Variants in PRKCB observed in about 807,000 individuals in gnomAD.
PRKCB encodes protein kinase C beta type.
In PRKCB, 13 loss-of-function variants were observed where a neutral mutation model predicts 81.5. The ratio of observed to expected loss-of-function variants is 0.16; its 90% confidence interval spans 0.10 to 0.25. The LOEUF (loss-of-function observed/expected upper bound fraction) is 0.25, where lower values mean the gene tolerates loss of function less well. Ranked by LOEUF, PRKCB falls within the 10% of genes least tolerant of loss-of-function variation. PRKCB has a pLI of 1.00. For missense variants in PRKCB, 509 were observed against 875.7 expected (o/e 0.58, Z 5.29); for synonymous variants, 335 against 321.4 (o/e 1.04, Z -0.45).
intron 7 of PRKCB, among the ~76,000 whole-genome samples, chr16:24,110,619 C>T (rs1400184002): frequency 6.7e-6 from 1 of 149,648 alleles, no homozygotes; most frequent in Non-Finnish European, 1.5e-5. Flanking sequence ...TGGACTCAAG[C>T]GATTCTCCTA....
Position 23,856,155 on chromosome 16 carries a change from A to G in PRKCB, c.205+18749A>G, listed in dbSNP as rs976814069. On this transcript the variant is annotated intron_variant, in intron 2 of 16. Transcript: ENST00000643927. ...AATCTGACTAGGCCTAGGGAATGAC[A>G]TGGGAATAGCTTGTCCTGGGTCATC... 3.9e-5 allele frequency among the ~76,000 whole-genome samples: 6 copies of G among 152,224 alleles called. No homozygotes were observed. The South Asian group carries it at 1.0e-3, about 26-fold the overall frequency.
Position 24,185,207 on chromosome 16 carries a change from G to A in PRKCB, c.1614+16G>A, listed in dbSNP as rs1230671027. 14 of 1,608,914 alleles carry A rather than the reference G, an allele frequency of 8.7e-6. No homozygotes were observed. Among genetic ancestry groups the A allele is most frequent in the Non-Finnish European group, 9.4e-6 (11 of 1,176,150 alleles). On this transcript the variant is annotated intron_variant, in intron 14 of 16. Transcript: ENST00000643927. ...GGCTGGGCAGGTAATTGAATTTTAA[G>A]TGATCGATAAGAGAAGTCCTCCCTA...
At chr16:24,113,397 CTCTT>C (rs1484516448) in intron 8 of PRKCB, among the ~76,000 whole-genome samples, 1 of 148,862 alleles carries the variant, frequency 6.7e-6, no homozygotes, top group Non-Finnish European at 1.5e-5. Flanking sequence ...TCCTTCCTCT[CTCTT>C]TCTCTTTCCC....
chr16:23,991,261 T>C (rs1247036196), intron 3 of PRKCB, among the ~76,000 whole-genome samples: 1 of 152,098 alleles, frequency 6.6e-6, no homozygotes, highest in African/African-American at 2.4e-5. Context: ...GCTTGGAAAA[T>C]GTGGTAATTG....
intron 5 of PRKCB, among the ~76,000 whole-genome samples, chr16:24,043,408 C>T (rs2141863864): frequency 6.6e-6 from 1 of 152,116 alleles, no homozygotes; most frequent in South Asian, 2.1e-4. Flanking sequence ...AATACACCTG[C>T]TTTATTTTGC....
At chr16:23,977,755 A>G (rs887600848) in intron 2 of PRKCB, among the ~76,000 whole-genome samples, 6 of 152,156 alleles carry the variant, frequency 3.9e-5, no homozygotes, top group African/African-American at 1.4e-4. Flanking sequence ...CTGTGTACTG[A>G]AAGCTGGCCA....
At position 24,016,308 on chromosome 16, in the gene PRKCB, T is replaced by C. The variant is rs553156640; in HGVS notation, c.289-15828T>C. Reference sequence around the variant, plus strand: ...CACCCAGCGGCCTGGGTGGTCATGGTGAAAGCTAGAAATACATCTCTGGAA... The same window carrying C: ...CACCCAGCGGCCTGGGTGGTCATGGCGAAAGCTAGAAATACATCTCTGGAA... On this transcript the variant is annotated intron_variant, in intron 3 of 16. Coordinates refer to ENST00000643927, the MANE Select transcript of PRKCB (RefSeq NM_002738.7). Among the ~76,000 whole-genome samples, 3 of 152,192 alleles carry C rather than the reference T, an allele frequency of 2.0e-5. No individual in the cohort carries two copies. In the South Asian group the frequency reaches 6.2e-4, roughly 32 times the overall value.
In PRKCB at chr16:24,123,908, A is replaced by G. The variant is rs1966831338; in HGVS notation, c.992A>G (p.Asn331Ser). The change falls in exon 9 of 17, where the codon AAT (asparagine) becomes AGT (serine). Residue 331 changes from asparagine to serine, a missense_variant. This residue lies in a region of PRKCB where 80 missense variants were observed against 89.4 expected (regional missense o/e 0.90). Coordinates refer to ENST00000643927, the MANE Select transcript of PRKCB (RefSeq NM_002738.7). ...TTNTVSKFDN[N>S]GNRDRMKLTD... ...AACACTGTCTCCAAATTTGACAACAATGGCAACAGAGACCGGATGAAACTG... is the reference window on the plus strand; with the variant it reads ...AACACTGTCTCCAAATTTGACAACAGTGGCAACAGAGACCGGATGAAACTG... 1 of 1,614,146 alleles carries G rather than the reference A, an allele frequency of 6.2e-7. No homozygotes were observed. Among genetic ancestry groups the G allele is most frequent in the Non-Finnish European group, 8.5e-7 (1 of 1,180,014 alleles).
At chr16:23,994,997 G>A (rs1416569800) in intron 3 of PRKCB, among the ~76,000 whole-genome samples, 1 of 152,182 alleles carries the variant, frequency 6.6e-6, no homozygotes, top group Non-Finnish European at 1.5e-5. Flanking sequence ...AACTACTCTA[G>A]ACATTGGTAA....
intron 2 of PRKCB, among the ~76,000 whole-genome samples, chr16:23,945,746 A>C (rs1964197487): frequency 6.6e-6 from 1 of 151,918 alleles, no homozygotes; most frequent in African/African-American, 2.4e-5. Context: ...AAAAAGAAAA[A>C]GAAAACAAAA....
chr16:24,033,211 C>G (rs989791175), intron 4 of PRKCB, among the ~76,000 whole-genome samples: 1 of 152,106 alleles, frequency 6.6e-6, no homozygotes, highest in Non-Finnish European at 1.5e-5. Context: ...TGGTACTGCT[C>G]TCCCAAGGGT....
At chr16:23,839,279 CTTTT>C (rs10657212) in intron 2 of PRKCB, among the ~76,000 whole-genome samples, 3 of 137,138 alleles carry the variant, frequency 2.2e-5, no homozygotes, top group African/African-American at 8.2e-5. Context: ...ATAGGAGTGT[CTTTT>C]TTTTTTTTTT....
intron 2 of PRKCB, among the ~76,000 whole-genome samples, chr16:23,865,621 A>G (rs1219266657): frequency 6.8e-6 from 1 of 147,332 alleles, no homozygotes; most frequent in Non-Finnish European, 1.5e-5. Context: ...CTTTGTAGAA[A>G]TGGGGTTTTG....
chr16:24,172,106 A>G, intron 10 of PRKCB, 164 bp from the exon 11 acceptor site: 1 of 616,336 alleles, frequency 1.6e-6, no homozygotes, highest in Non-Finnish European at 2.9e-6. Flanking sequence ...GCGTAGTTCC[A>G]GTGACACAAA....
intron 2 of PRKCB, among the ~76,000 whole-genome samples, chr16:23,973,178 C>A (rs1380686302): frequency 2.0e-5 from 3 of 151,194 alleles, no homozygotes; most frequent in Non-Finnish European, 3.0e-5. Context: ...TGATTTTTTT[C>A]TTTTTAATTT....
intron 5 of PRKCB, among the ~76,000 whole-genome samples, chr16:24,054,049 T>C (rs1965875723): frequency 6.6e-6 from 1 of 152,232 alleles, no homozygotes; most frequent in Admixed American, 6.5e-5. Context: ...CACTGCTCAC[T>C]GCAGCCTCAA....
intron 2 of PRKCB, among the ~76,000 whole-genome samples, chr16:23,962,747 C>A (rs9673276): frequency 5.6e-5 from 8 of 142,388 alleles, no homozygotes; most frequent in East Asian, 1.9e-4. Flanking sequence ...TTTTTTTTTT[C>A]TTTTATTTTA....
intron 2 of PRKCB, among the ~76,000 whole-genome samples, chr16:23,851,083 T>C (rs1962464396): frequency 6.6e-6 from 1 of 152,258 alleles, no homozygotes; most frequent in South Asian, 2.1e-4. Context: ...ACTTTGTTAA[T>C]TGTTTCCTTT....
chr16:24,068,258 A>C (rs13329993), intron 5 of PRKCB, among the ~76,000 whole-genome samples: 23,977 of 151,864 alleles, frequency 0.16, 3,738 homozygotes, highest in African/African-American at 0.41. Flanking sequence ...ATTGGTAGAG[A>C]CTCAAGAGAA....
Sources: gnomAD v4.1 joint callset for allele counts (sites outside exome capture counted in the v4.1 genomes callset) on GRCh38, gnomAD v4.1.1 for gene constraint, gnomAD v4.1.1 regional missense constraint, MANE v1.5 for transcripts, NCBI Gene and HGNC (gene_info 2026-07-23, HGNC 2026-07-21) for gene names.